The following NMNAT3 variants were observed in gnomAD, a reference collection of about 807,000 sequenced individuals.
NMNAT3 encodes the protein nicotinamide nucleotide adenylyltransferase 3.
Under a neutral mutation model 24.8 loss-of-function variants are expected in NMNAT3, and 21 were observed. The ratio of observed to expected loss-of-function variants is 0.85; its 90% CI spans 0.60 to 1.22. NMNAT3 has a LOEUF of 1.22. Among genes scored for constraint, NMNAT3 ranks in the 50% most tolerant of loss-of-function variants. The pLI, the probability that NMNAT3 is intolerant of heterozygous loss-of-function variation, is 0.00. For synonymous variants in NMNAT3, 136 were observed against 155.2 expected (o/e 0.88, Z 0.92); for missense variants, 387 against 436.6 (o/e 0.89, Z 1.01).
intron 1 of NMNAT3, among the ~76,000 whole-genome samples, chr3:139,657,229 C>T (rs958420442): frequency 2.0e-5 from 3 of 152,190 alleles, no homozygotes; most frequent in African/African-American, 7.2e-5. Flanking sequence ...TTCGGTCCCT[C>T]CATCCAAGCC....
At position 139,560,757 on chromosome 3, in the gene NMNAT3, C is replaced by T; in HGVS notation, c.*253G>A. On this transcript the variant is annotated 3_prime_UTR_variant, in exon 7 of 7. Transcript: ENST00000643695. ...CCTTGTCCAGCAGCTCTGAGAGATT[C>T]TGCCTAATCCTAATGACCTGCCACA... 1 of 458,388 alleles carries T rather than the reference C, an allele frequency of 2.2e-6. No individual in the cohort carries two copies. Among genetic ancestry groups the T allele is most frequent in the Non-Finnish European group, 3.9e-6 (1 of 257,432 alleles). 28.4% of individuals were successfully genotyped at this position (458,388 alleles called of 1,614,324 possible).
intron 1 of NMNAT3, among the ~76,000 whole-genome samples, chr3:139,659,238 C>T (rs1160265913): frequency 6.6e-6 from 1 of 152,196 alleles, no homozygotes; most frequent in Non-Finnish European, 1.5e-5. Context: ...CAGTTGCACT[C>T]ACTAGCATTA....
intron 1 of NMNAT3, among the ~76,000 whole-genome samples, chr3:139,664,004 G>A (rs867072445): frequency 2.0e-5 from 3 of 152,158 alleles, no homozygotes; most frequent in Non-Finnish European, 4.4e-5. Flanking sequence ...GGGAAGTAAG[G>A]ATTAAGGTCT....
chr3:139,596,047 A>C (rs1208636046), intron 3 of NMNAT3, among the ~76,000 whole-genome samples: 1 of 152,204 alleles, frequency 6.6e-6, no homozygotes, highest in Admixed American at 6.5e-5. Context: ...TTATATTCTT[A>C]AATGGAGAGC....
At chr3:139,629,556 C>T (rs933819166) in intron 2 of NMNAT3, among the ~76,000 whole-genome samples, 1 of 152,064 alleles carries the variant, frequency 6.6e-6, no homozygotes, top group Non-Finnish European at 1.5e-5. Context: ...CATTTATTGC[C>T]TTTATTATTC....
intron 6 of NMNAT3, chr3:139,565,784 C>G (rs1191926857): frequency 6.6e-6 from 1 of 152,180 alleles, no homozygotes; most frequent in Non-Finnish European, 1.5e-5. Flanking sequence ...TGGGTTGGTT[C>G]CAAGTCTTCG....
chr3:139,585,846 G>C (rs536025872), intron 3 of NMNAT3, among the ~76,000 whole-genome samples: 67 of 152,348 alleles, frequency 4.4e-4, no homozygotes, highest in Non-Finnish European at 8.4e-4. Flanking sequence ...TTAAGATCTA[G>C]TTTACCTTAC....
chr3:139,579,882 T>A (rs1246459958), intron 4 of NMNAT3, among the ~76,000 whole-genome samples: 3 of 152,228 alleles, frequency 2.0e-5, no homozygotes, highest in Non-Finnish European at 4.4e-5. Flanking sequence ...ATTGTGTGAT[T>A]TTTTTTCTCC....
intron 4 of NMNAT3, among the ~76,000 whole-genome samples, chr3:139,579,858 T>G (rs1270958137): frequency 6.6e-6 from 1 of 152,246 alleles, no homozygotes; most frequent in Non-Finnish European, 1.5e-5. Flanking sequence ...TAAATGATTT[T>G]TCTGCAACTC....
intron 3 of NMNAT3, among the ~76,000 whole-genome samples, chr3:139,594,942 G>A (rs1292893254): frequency 6.6e-6 from 1 of 152,158 alleles, no homozygotes; most frequent in Non-Finnish European, 1.5e-5. Context: ...ATTCAACATA[G>A]TGTTGGAAGT....
intron 6 of NMNAT3, chr3:139,571,975 T>G (rs1309001164): frequency 7.6e-6 from 3 of 395,602 alleles, no homozygotes; most frequent in Non-Finnish European, 1.3e-5. Context: ...TGCTATCTCC[T>G]GCCCTTGTGC....
chr3:139,613,235 T>C (rs1281429388), intron 3 of NMNAT3, among the ~76,000 whole-genome samples: 2 of 152,132 alleles, frequency 1.3e-5, no homozygotes, highest in Non-Finnish European at 2.9e-5. Flanking sequence ...AATCTACTCA[T>C]CTGACAAAGG....
chr3:139,595,218 C>T (rs1280874956), intron 3 of NMNAT3, among the ~76,000 whole-genome samples: 2 of 152,074 alleles, frequency 1.3e-5, no homozygotes, highest in Non-Finnish European at 2.9e-5. Flanking sequence ...ACAATTGCTT[C>T]AAAGAGAATA....
intron 1 of NMNAT3, among the ~76,000 whole-genome samples, chr3:139,668,300 T>C (rs976624796): frequency 1.3e-5 from 2 of 152,216 alleles, no homozygotes; most frequent in East Asian, 1.9e-4. Context: ...TGGTGACCTA[T>C]AGCAGAGCAG....
chr3:139,627,642 AC>A lies in NMNAT3; in HGVS notation c.82del (p.Val28TrpfsTer30), dbSNP rs866952441. Reference sequence around the variant, plus strand: ...TGTTTGGTGTAGGTGATCTCTGGCCACCTCAAACATGCGCAGGTGCATGTTG... The same window carrying A: ...TGTTTGGTGTAGGTGATCTCTGGCCACTCAAACATGCGCAGGTGCATGTTG... On this transcript the variant is annotated frameshift_variant, in exon 3 of 7. Coordinates refer to ENST00000643695, the MANE Select transcript of NMNAT3 (RefSeq NM_001320510.2). LOFTEE classifies it high-confidence loss of function. 2 of 1,593,134 alleles carry A rather than the reference AC, an allele frequency of 1.3e-6. No homozygotes were observed. Among genetic ancestry groups the A allele is most frequent in the Non-Finnish European group, 1.7e-6 (2 of 1,176,774 alleles).
At chr3:139,567,467 G>T (rs1937419978) in intron 6 of NMNAT3, 1 of 152,042 alleles carries the variant, frequency 6.6e-6, no homozygotes. Flanking sequence ...TCCAGTTTTT[G>T]CCCATTCAGT....
At chr3:139,670,404 C>T (rs1026703341) in intron 1 of NMNAT3, among the ~76,000 whole-genome samples, 8 of 152,178 alleles carry the variant, frequency 5.3e-5, no homozygotes, top group African/African-American at 1.9e-4. Flanking sequence ...TCTGGAGATC[C>T]CCATCAGGAT....
chr3:139,609,255 A>T (rs533667047), intron 3 of NMNAT3, among the ~76,000 whole-genome samples: 3 of 152,324 alleles, frequency 2.0e-5, no homozygotes, highest in Non-Finnish European at 4.4e-5. Context: ...AATGCCTGTG[A>T]GTGCAACTGC....
chr3:139,567,003 T>C (rs1435691163), intron 6 of NMNAT3: 3 of 151,696 alleles, frequency 2.0e-5, no homozygotes, highest in Admixed American at 2.0e-4. Flanking sequence ...GAGCATGGAA[T>C]GTTCTTCCAT....
Sources: allele counts gnomAD v4.1 joint callset (sites outside exome capture counted in the v4.1 genomes callset), GRCh38; gene constraint gnomAD v4.1.1; transcripts MANE v1.5; gene names NCBI Gene and HGNC (gene_info 2026-07-23, HGNC 2026-07-21).